POLI: variants seen among roughly 807,000 people sequenced by gnomAD.
POLI encodes the protein RAD30 homolog B.
In POLI, 58 loss-of-function variants were observed where a neutral mutation model predicts 51.6. That is an observed-to-expected ratio of 1.12 (90% CI 0.91 to 1.40). The LOEUF is 1.40. Among genes scored for constraint, POLI ranks in the 40% most tolerant of loss-of-function variants. The pLI is 0.00. For synonymous variants in POLI, 322 were observed against 299.7 expected, an observed-to-expected ratio of 1.07 and a Z score of -0.77; for missense variants, 921 against 871.3, an observed-to-expected ratio of 1.06 and a Z score of -0.72.
At chr18:54,317,033 T>G (rs1459773829) in intron 3 of POLI, among the ~76,000 whole-genome samples, 1 of 152,240 alleles carries the variant, frequency 6.6e-6, no homozygotes, top group East Asian at 1.9e-4. Flanking sequence ...CATCATTATC[T>G]TTTCAAAATT....
intron 7 of POLI, among the ~76,000 whole-genome samples, chr18:54,284,339 A>T (rs898666892): frequency 2.0e-5 from 3 of 152,208 alleles, no homozygotes; most frequent in Admixed American, 6.5e-5. Flanking sequence ...TGAGAAGAAG[A>T]AGTTTTAATT....
intron 3 of POLI, among the ~76,000 whole-genome samples, chr18:54,313,501 GTAGTTTGA>G (rs1487686960): frequency 6.6e-6 from 1 of 152,078 alleles, no homozygotes; most frequent in Non-Finnish European, 1.5e-5. Flanking sequence ...AATGACATTG[GTAGTTTGA>G]TAGGAATATC....
Position 54,295,326 on chromosome 18 carries a change from A to G in POLI, c.*859A>G. On this transcript the variant is annotated 3_prime_UTR_variant, in exon 10 of 10. Transcript: ENST00000579534. ...ATATTAGGTTGTCATAACAACCACAAATATAGACCATTACTAAATTGGTGG... is the reference window on the plus strand; with the variant it reads ...ATATTAGGTTGTCATAACAACCACAGATATAGACCATTACTAAATTGGTGG... 4 of 984,740 alleles carry G rather than the reference A, an allele frequency of 4.1e-6. No individual in the cohort carries two copies. The highest frequency in any genetic ancestry group is 4.8e-6 in the Non-Finnish European group (4 of 829,272). 61.0% of individuals were successfully genotyped at this position (984,740 alleles called of 1,614,324 possible). A position where few individuals can be genotyped will look rare whatever the true frequency, so the allele number is the denominator to read the frequency against.
rs2088414777 is a variant in POLI, at chr18:54,297,962, TG to T, written c.*3496del. 71 of 981,188 alleles carry T rather than the reference TG, an allele frequency of 7.2e-5. No individual in the cohort carries two copies. The highest frequency in any genetic ancestry group is 8.4e-5 in the Non-Finnish European group (69 of 826,168). The allele number at this position is 981,188 out of a possible 1,614,324, so 60.8% of individuals were successfully genotyped here. A position where few individuals can be genotyped will look rare whatever the true frequency, so the allele number is the denominator to read the frequency against. On this transcript the variant is annotated 3_prime_UTR_variant, in exon 10 of 10. Coordinates refer to ENST00000579534, the MANE Select transcript of POLI (RefSeq NM_007195.3). The stretch of plus-strand genomic sequence containing the variant: ...GTCCTTAGAGCTGTAGATTTAGAAC[TG>T]ACATCTCTTGAGCTGTTCTAAGATA...
chr18:54,278,135 T>G lies in POLI; in HGVS notation c.559+280T>G, dbSNP rs140353067. Reference sequence around the variant, plus strand: ...CAGAGCATTCATCTGTGCAGAGTTTTCGTCTGACACAGTGCATTGGTTCCC... The same window carrying G: ...CAGAGCATTCATCTGTGCAGAGTTTGCGTCTGACACAGTGCATTGGTTCCC... On this transcript the variant is annotated intron_variant, in intron 4 of 9. Coordinates refer to ENST00000579534, the MANE Select transcript of POLI (RefSeq NM_007195.3). Among the ~76,000 whole-genome samples the G allele has an allele frequency of 5.1e-3, 778 of 152,304 alleles. 5 individuals are homozygous for G. Among genetic ancestry groups the G allele is most frequent in the African/African-American group, 0.018 (745 of 41,562 alleles).
intron 3 of POLI, among the ~76,000 whole-genome samples, chr18:54,274,631 A>G (rs2087158601): frequency 6.6e-6 from 1 of 152,022 alleles, no homozygotes; most frequent in African/African-American, 2.4e-5. Flanking sequence ...TTTAAATCTT[A>G]GTGTTATAGT....
chr18:54,271,530 T>C, intron 2 of POLI, 45 bp downstream of exon 2: 1 of 1,299,392 alleles, frequency 7.7e-7, no homozygotes, highest in Non-Finnish European at 1.1e-6. Flanking sequence ...ATGATTAGAT[T>C]AGCAACTCAT....
intron 3 of POLI, among the ~76,000 whole-genome samples, chr18:54,310,628 G>A (rs1325852296): frequency 6.6e-6 from 1 of 151,526 alleles, no homozygotes; most frequent in Non-Finnish European, 1.5e-5. Flanking sequence ...GTGATATTTG[G>A]GTGTCCGCCC....
In POLI at chr18:54,269,590, AC is replaced by A. The variant is rs2086905015; in HGVS notation, c.45del (p.Asp15GlufsTer41). The A allele has an allele frequency of 3.0e-5, 4 of 134,256 alleles. No homozygotes were observed. Among genetic ancestry groups the A allele is most frequent in the Non-Finnish European group, 3.6e-5 (4 of 110,316 alleles). The allele number at this position is 134,256 out of a possible 1,614,324, so 8.3% of individuals were successfully genotyped here. ...GVEPEEEGGG[D>X]DDEEDAEAWA... Reference sequence around the variant, plus strand: ...GAGCCGGAGGAGGAAGGCGGCGGCGACGACGACGAGGAAGACGCCGAGGCCT... The same window carrying A: ...GAGCCGGAGGAGGAAGGCGGCGGCGAGACGACGAGGAAGACGCCGAGGCCT... On this transcript the variant is annotated frameshift_variant, in exon 1 of 10. Transcript: ENST00000579534. LOFTEE classifies it high-confidence loss of function.
chr18:54,290,956 C>A (rs2087983177), intron 8 of POLI, among the ~76,000 whole-genome samples: 1 of 152,136 alleles, frequency 6.6e-6, no homozygotes, highest in Admixed American at 6.5e-5. Flanking sequence ...TGCACATGAA[C>A]CCCAGAACTT....
rs866467203 is a variant in POLI, at chr18:54,295,667, G to A, written c.*1200G>A. 4 of 371,448 alleles carry A rather than the reference G, an allele frequency of 1.1e-5. No homozygotes were observed. Among genetic ancestry groups the A allele is most frequent in the African/African-American group, 2.2e-5 (1 of 45,080 alleles). 23.0% of individuals were successfully genotyped at this position (371,448 alleles called of 1,614,324 possible). A position where few individuals can be genotyped will look rare whatever the true frequency, so the allele number is the denominator to read the frequency against. On this transcript the variant is annotated 3_prime_UTR_variant, in exon 10 of 10. Transcript: ENST00000579534. ...TTTGGAGACAGAGTCTCACTCTGTC[G>A]CCCAGGGTGGAGTACAGTGGCGCAA...
chr18:54,320,350 G>GTT lies in POLI; in HGVS notation c.415_416dup (p.Thr140LeufsTer51), dbSNP rs1452288104. 2.0e-5 allele frequency: 3 copies of GTT among 152,142 alleles called. No homozygotes were observed. The highest frequency in any genetic ancestry group is 4.4e-5 in the Non-Finnish European group (3 of 68,018). The allele number at this position is 152,142 out of a possible 1,614,324, so 9.4% of individuals were successfully genotyped here. A position where few individuals can be genotyped will look rare whatever the true frequency, so the allele number is the denominator to read the frequency against. On this transcript the variant is annotated frameshift_variant, in exon 4 of 5. Coordinates refer to the POLI transcript ENST00000579823. LOFTEE classifies it high-confidence loss of function. ...AGACAAACTTGTGAAGCTAGAGGGT[G>GTT]TTTTTACTAAACACTAAAGGAGTTT...
intron 3 of POLI, among the ~76,000 whole-genome samples, chr18:54,303,253 T>G (rs1047527454): frequency 3.9e-5 from 6 of 152,174 alleles, no homozygotes; most frequent in Non-Finnish European, 8.8e-5. Context: ...TTAGCTGTAA[T>G]AAATTCACCC....
Position 54,296,334 on chromosome 18 carries a change from C to CA in POLI, c.*1868dup. 1 of 985,194 alleles carries CA rather than the reference C, an allele frequency of 1.0e-6. No individual in the cohort carries two copies. The highest frequency in any genetic ancestry group is 1.2e-6 in the Non-Finnish European group (1 of 829,726). The allele number at this position is 985,194 out of a possible 1,614,324, so 61.0% of individuals were successfully genotyped here. A position where few individuals can be genotyped will look rare whatever the true frequency, so the allele number is the denominator to read the frequency against. ...GATTGAGAATGTACGGGCTATGTCA[C>CA]AGTTACGCTACTTATTTTGTGGTTT... On this transcript the variant is annotated 3_prime_UTR_variant, in exon 10 of 10. Transcript: ENST00000579534.
intron 3 of POLI, among the ~76,000 whole-genome samples, chr18:54,277,339 C>T (rs1394264748): frequency 6.6e-6 from 1 of 152,058 alleles, no homozygotes; most frequent in Non-Finnish European, 1.5e-5. Context: ...TTTAACTTTC[C>T]TGAGCAGCCT....
chr18:54,270,692 C>T (rs2086966088), intron 1 of POLI: 1 of 152,156 alleles, frequency 6.6e-6, no homozygotes, highest in Admixed American at 6.5e-5. Context: ...TGTTTTTAGC[C>T]AGTGTTGAGA....
rs529592494 is a variant in POLI, at chr18:54,320,539, A to T, written c.*25+147A>T. On this transcript the variant is annotated intron_variant, in intron 4 of 4. Transcript: ENST00000579823. ...AAGGGTGTGTGCTTTTTTAGATTTGATACATAATATTTTTGAATAAAAGTA... is the reference window on the plus strand; with the variant it reads ...AAGGGTGTGTGCTTTTTTAGATTTGTTACATAATATTTTTGAATAAAAGTA... 2.6e-5 allele frequency: 4 copies of T among 152,292 alleles called. 1 individual carries two copies. Among genetic ancestry groups the T allele is most frequent in the African/African-American group, 9.6e-5 (4 of 41,584 alleles). The allele number at this position is 152,292 out of a possible 1,614,324, so 9.4% of individuals were successfully genotyped here. A position where few individuals can be genotyped will look rare whatever the true frequency, so the allele number is the denominator to read the frequency against.
downstream of POLI, among the ~76,000 whole-genome samples, chr18:54,302,702 A>T (rs2088513239): frequency 6.6e-6 from 1 of 152,182 alleles, no homozygotes; most frequent in Non-Finnish European, 1.5e-5. Context: ...GTGCTATCAA[A>T]TACTAGGTCT....
intron 8 of POLI, among the ~76,000 whole-genome samples, chr18:54,290,970 G>C (rs560514858): frequency 5.7e-4 from 87 of 152,108 alleles, no homozygotes; most frequent in African/African-American, 2.0e-3. Context: ...AGAACTTAAA[G>C]TATAAAAGAA....
Sources: gnomAD v4.1 joint callset for allele counts (sites outside exome capture counted in the v4.1 genomes callset) on GRCh38, gnomAD v4.1.1 for gene constraint, MANE v1.5 for transcripts, NCBI Gene and HGNC (gene_info 2026-07-23, HGNC 2026-07-21) for gene names.